Variants in MBNL3 observed in about 807,000 individuals in gnomAD.
MBNL3 encodes the protein muscleblind-like protein 3.
In MBNL3, 6 loss-of-function variants were observed where a neutral mutation model predicts 24.5. The observed-to-expected ratio is 0.25, with a 90% CI of 0.13 to 0.48. The LOEUF is 0.48. Ranked by LOEUF, MBNL3 falls within the 20% of genes least tolerant of loss-of-function variation. The pLI is 0.99. For missense variants in MBNL3, 230 were observed against 293.5 expected (o/e 0.78, Z 1.58); for synonymous variants, 100 against 101.7 (o/e 0.98, Z 0.10).
At chrX:132,403,070 G>T (rs1941205870) in intron 3 of MBNL3, among the ~76,000 whole-genome samples, 1 of 111,818 alleles carries the variant, frequency 8.9e-6, no homozygotes, top group Non-Finnish European at 1.9e-5. Context: ...TTGGGTAGGG[G>T]TGATTAAAAG....
At chrX:132,396,627 CATATATATT>C (rs1938929290) in intron 3 of MBNL3, among the ~76,000 whole-genome samples, 1 of 35,136 alleles carries the variant, frequency 2.8e-5, no homozygotes, top group African/African-American at 1.3e-4. Context: ...TATATATATT[CATATATATT>C]CACATATATA....
intron 2 of MBNL3, chrX:132,431,144 C>T (rs1408871707): frequency 1.8e-5 from 2 of 111,512 alleles, no homozygotes; most frequent in African/African-American, 3.3e-5. Context: ...GGGAGAAATA[C>T]TTTGGGACAA....
In MBNL3 at chrX:132,480,538, G is replaced by A. The variant is rs1204799899; in HGVS notation, c.-704+8313C>T. 5.4e-5 allele frequency among the ~76,000 whole-genome samples: 6 copies of A among 111,137 alleles called. No individual in the cohort carries two copies. The East Asian group carries it at 1.7e-3, about 31-fold the overall frequency. ...TATAGGAAATGCCCTCCCATCAAAGGCCCGATTTGGCAACCTATGAGAAAG... is the reference window on the plus strand; with the variant it reads ...TATAGGAAATGCCCTCCCATCAAAGACCCGATTTGGCAACCTATGAGAAAG... On this transcript the variant is annotated intron_variant, in intron 1 of 8. Transcript: ENST00000370853.
intron 1 of MBNL3, among the ~76,000 whole-genome samples, chrX:132,475,713 G>A (rs907486957): frequency 9.0e-6 from 1 of 111,397 alleles, no homozygotes; most frequent in Admixed American, 9.5e-5. Context: ...ATAAACTCCT[G>A]CCTACAGATA....
intron 1 of MBNL3, among the ~76,000 whole-genome samples, chrX:132,456,527 G>C (rs1478291321): frequency 8.9e-6 from 1 of 111,904 alleles, no homozygotes; most frequent in East Asian, 2.8e-4. Flanking sequence ...CACTGTGCTA[G>C]GCATTTTATA....
chrX:132,382,239 A>G lies in MBNL3; in HGVS notation c.992T>C (p.Val331Ala). The change falls in exon 8 of 9, where the codon GTG becomes GCG. Residue 331 changes from valine to alanine, a missense_variant. Physicochemically the swap from Val to Ala is moderately conservative, Grantham distance 64 (BLOSUM62 0). Transcript: ENST00000370853. ...GGTGGCAGGTGTTGTTGCTGCAGAC[A>G]CAGTGGTAGGTGTAGCACCGTGCAT... Reference protein sequence around the residue: ...PMMHGATPTTVSAATTPATSV... With the variant: ...PMMHGATPTTASAATTPATSV... The G allele has an allele frequency of 8.3e-7, 1 of 1,211,236 alleles. No individual in the cohort carries two copies. Among genetic ancestry groups the G allele is most frequent in the Non-Finnish European group, 1.1e-6 (1 of 895,098 alleles).
At chrX:132,395,950 A>T (rs1938122736) in intron 3 of MBNL3, among the ~76,000 whole-genome samples, 1 of 111,076 alleles carries the variant, frequency 9.0e-6, no homozygotes, top group Non-Finnish European at 1.9e-5. Context: ...AGGGCCCATA[A>T]GCCAAATTCA....
rs765596322 is a variant in MBNL3, at chrX:132,461,960, CTA to C, written c.-703-21648_-703-21647del. Reference sequence around the variant, plus strand: ...ATCATGAATGCAAGCAGACCTGAAACTATGCATTCCCCCACATTTTTGCTTTA... The same window carrying C: ...ATCATGAATGCAAGCAGACCTGAAACTGCATTCCCCCACATTTTTGCTTTA... On this transcript the variant is annotated intron_variant, in intron 1 of 8. Transcript: ENST00000370853. Among the ~76,000 whole-genome samples the C allele has an allele frequency of 2.7e-5, 3 of 111,961 alleles. No homozygotes were observed. In the South Asian group the frequency reaches 1.1e-3, roughly 42 times the overall value.
At chrX:132,390,431 T>C (rs1050204934) in intron 5 of MBNL3, among the ~76,000 whole-genome samples, 1 of 110,517 alleles carries the variant, frequency 9.0e-6, no homozygotes, top group Non-Finnish European at 1.9e-5. Context: ...ACCCTATCTT[T>C]TAAGTGCTGT....
chrX:132,468,585 T>C (rs992444240), intron 1 of MBNL3, among the ~76,000 whole-genome samples: 3 of 112,521 alleles, frequency 2.7e-5, no homozygotes, highest in Non-Finnish European at 5.6e-5. Flanking sequence ...AGCACACTCG[T>C]ATATATTAAT....
In MBNL3 at chrX:132,391,111, C is replaced by G. The variant is rs375000990; in HGVS notation, c.535-28G>C. 5 of 1,097,524 alleles carry G rather than the reference C, an allele frequency of 4.6e-6. No individual in the cohort carries two copies. The Admixed American group carries it at 1.1e-4, about 24-fold the overall frequency. 90.4% of individuals were successfully genotyped at this position (1,097,524 alleles called of 1,213,427 possible). A position where few individuals can be genotyped will look rare whatever the true frequency, so the allele number is the denominator to read the frequency against. ...TAGAACACACACATGCACATACACA[C>G]GCATCACACTGATGACTGGAAGCTG... On this transcript the variant is annotated intron_variant, in intron 4 of 8. Coordinates refer to ENST00000370853, the MANE Select transcript of MBNL3 (RefSeq NM_001386889.1).
chrX:132,473,614 A>G (rs894920755), intron 1 of MBNL3, among the ~76,000 whole-genome samples: 2 of 110,787 alleles, frequency 1.8e-5, no homozygotes, highest in African/African-American at 3.3e-5. Context: ...AAACACACGC[A>G]CACACACACA....
At chrX:132,417,700 A>G (rs1002240328) in intron 2 of MBNL3, among the ~76,000 whole-genome samples, 16 of 111,704 alleles carry the variant, frequency 1.4e-4, no homozygotes, top group Admixed American at 1.3e-3. Context: ...AAAAATAAAT[A>G]AAATAAATCT....
intron 2 of MBNL3, among the ~76,000 whole-genome samples, chrX:132,419,452 C>T (rs1055222706): frequency 7.2e-5 from 8 of 111,682 alleles, no homozygotes; most frequent in African/African-American, 2.0e-4. Context: ...GCTGTAGGTT[C>T]GACACTATCA....
intron 1 of MBNL3, among the ~76,000 whole-genome samples, chrX:132,447,561 A>G (rs1363518127): frequency 9.0e-6 from 1 of 111,511 alleles, no homozygotes; most frequent in Non-Finnish European, 1.9e-5. Flanking sequence ...TTTGTCTGTT[A>G]TTGATGGATA....
chrX:132,427,053 G>A (rs991165580), intron 2 of MBNL3, among the ~76,000 whole-genome samples: 2 of 111,687 alleles, frequency 1.8e-5, no homozygotes, highest in Non-Finnish European at 3.8e-5. Context: ...GAGAAACAGA[G>A]GTAGTAGGAT....
intron 2 of MBNL3, among the ~76,000 whole-genome samples, chrX:132,434,972 A>G (rs895175593): frequency 1.8e-5 from 2 of 111,862 alleles, no homozygotes; most frequent in African/African-American, 6.5e-5. Flanking sequence ...CATTAGGGGA[A>G]TCTGGATAAA....
At chrX:132,469,972 C>A (rs1032714020) in intron 1 of MBNL3, among the ~76,000 whole-genome samples, 5 of 111,664 alleles carry the variant, frequency 4.5e-5, no homozygotes, top group African/African-American at 1.6e-4. Flanking sequence ...TCGTAGGTAG[C>A]CTTTTGTGTC....
chrX:132,457,733 C>A (rs2148489376), intron 1 of MBNL3, among the ~76,000 whole-genome samples: 1 of 111,624 alleles, frequency 9.0e-6, no homozygotes, highest in African/African-American at 3.2e-5. Context: ...TCAGCAAATA[C>A]AAACTTCTTC....
Sources: allele counts gnomAD v4.1 joint callset (sites outside exome capture counted in the v4.1 genomes callset), GRCh38; gene constraint gnomAD v4.1.1; transcripts MANE v1.5; gene names NCBI Gene and HGNC (gene_info 2026-07-23, HGNC 2026-07-21).